BLTP1: variants seen among roughly 807,000 people sequenced by gnomAD.
BLTP1 encodes bridge-like lipid transfer protein family member 1, also known as fragile site-associated protein.
chr4:122,182,130 G>C, the BLTP1 span, among the ~76,000 whole-genome samples: 1 of 152,194 alleles, frequency 6.6e-6, no homozygotes, highest in South Asian at 2.1e-4. Flanking sequence ...TTCTATTCTA[G>C]ATTATGGACA....
At chr4:122,223,394 A>T in the BLTP1 span, among the ~76,000 whole-genome samples, 1 of 152,202 alleles carries the variant, frequency 6.6e-6, no homozygotes, top group South Asian at 2.1e-4. Flanking sequence ...GTATACTGGT[A>T]TGTTGAAGGC....
the BLTP1 span, among the ~76,000 whole-genome samples, chr4:122,178,909 C>T: frequency 1.3e-5 from 2 of 152,014 alleles, no homozygotes; most frequent in Admixed American, 6.6e-5. Context: ...GAACAAAATG[C>T]GTAAATCACT....
the BLTP1 span, chr4:122,209,893 A>G: frequency 2.5e-6 from 4 of 1,613,580 alleles, no homozygotes; most frequent in Admixed American, 6.7e-5. Context: ...CAATTTATCC[A>G]CAAAAAGCAG....
chr4:122,299,413 A>G, the BLTP1 span, among the ~76,000 whole-genome samples: 1 of 152,214 alleles, frequency 6.6e-6, no homozygotes, highest in Admixed American at 6.5e-5. Flanking sequence ...AGCTCAAGGA[A>G]CAGGGATGTG....
chr4:122,276,332 AT>A, the BLTP1 span: 3 of 540,902 alleles, frequency 5.5e-6, no homozygotes, highest in Non-Finnish European at 7.2e-6. Flanking sequence ...AATTTTTGAT[AT>A]GATAATGGAA....
chr4:122,353,236 T>C, the BLTP1 span: 2 of 1,543,252 alleles, frequency 1.3e-6, no homozygotes, highest in Non-Finnish European at 1.7e-6. The surrounding 1 kb of genome is among the most constrained non-coding windows in gnomAD (Gnocchi z 4.3). Flanking sequence ...CTGAAGTCCA[T>C]CTCTGTTTGT....
At chr4:122,264,741 A>G in the BLTP1 span, among the ~76,000 whole-genome samples, 1 of 152,230 alleles carries the variant, frequency 6.6e-6, no homozygotes, top group Non-Finnish European at 1.5e-5. Context: ...TTAAGACTTT[A>G]TTGAGCGAGC....
At chr4:122,254,858 C>G in the BLTP1 span, 1 of 1,613,444 alleles carries the variant, frequency 6.2e-7, no homozygotes, top group Non-Finnish European at 8.5e-7. Context: ...TGGCTTGTTC[C>G]CATTGACCAA....
chr4:122,344,517 G>A, the BLTP1 span: 1 of 1,613,532 alleles, frequency 6.2e-7, no homozygotes, highest in Non-Finnish European at 8.5e-7. Context: ...CAGTCTGTAA[G>A]CAAGTCTGCA....
the BLTP1 span, chr4:122,305,746 A>T: frequency 7.4e-7 from 1 of 1,355,202 alleles, no homozygotes; most frequent in African/African-American, 1.5e-5. Context: ...TATAAGGAAT[A>T]TACATTAACA....
chr4:122,265,698 G>GTTGT, the BLTP1 span, among the ~76,000 whole-genome samples: 6,003 of 151,994 alleles, frequency 0.039, 156 homozygotes, highest in East Asian at 0.14. Context: ...TTTTTTTGTT[G>GTTGT]TTGTTTGTTT....
At chr4:122,218,496 A>G in the BLTP1 span, among the ~76,000 whole-genome samples, 2 of 152,314 alleles carry the variant, frequency 1.3e-5, no homozygotes, top group East Asian at 1.9e-4. Context: ...ATTATTTCCT[A>G]TGAAAAGATA....
At chr4:122,190,918 G>C in the BLTP1 span, among the ~76,000 whole-genome samples, 1 of 152,160 alleles carries the variant, frequency 6.6e-6, no homozygotes, top group African/African-American at 2.4e-5. Context: ...GATGTTATTT[G>C]CCTTTTCACC....
At chr4:122,269,954 T>C in the BLTP1 span, among the ~76,000 whole-genome samples, 2 of 152,130 alleles carry the variant, frequency 1.3e-5, no homozygotes, top group African/African-American at 4.8e-5. Flanking sequence ...TTCTCCTTTA[T>C]TTGAATCTCC....
the BLTP1 span, chr4:122,325,242 A>C: frequency 6.2e-7 from 1 of 1,605,366 alleles, no homozygotes; most frequent in East Asian, 2.2e-5. Flanking sequence ...CTCGAGTAGG[A>C]GAAACTGAAG....
At chr4:122,205,899 T>G in the BLTP1 span, 1 of 978,142 alleles carries the variant, frequency 1.0e-6, no homozygotes, top group African/African-American at 1.8e-5. Flanking sequence ...AGGAGCCCTT[T>G]TATTGAAAGA....
chr4:122,315,494 G>A, the BLTP1 span: 12 of 1,614,044 alleles, frequency 7.4e-6, 1 homozygote, highest in East Asian at 6.7e-5. Flanking sequence ...GACACTCAAC[G>A]TATTGTGGAA....
the BLTP1 span, chr4:122,337,228 C>G: frequency 3.4e-3 from 1,839 of 538,194 alleles, 32 homozygotes; most frequent in African/African-American, 0.033. Flanking sequence ...AGTTATGATG[C>G]TGTTCTGATT....
chr4:122,339,464 C>T, the BLTP1 span: 2 of 1,245,982 alleles, frequency 1.6e-6, no homozygotes, highest in South Asian at 3.6e-5. Flanking sequence ...ATTTTTAAAT[C>T]AATATTTTAA....
Sources: gnomAD v4.1 joint callset for allele counts (sites outside exome capture counted in the v4.1 genomes callset) on GRCh38, gnomAD v4.1.1 for gene constraint, Gnocchi (gnomAD v3.1) non-coding constraint, MANE v1.5 for transcripts, NCBI Gene and HGNC (gene_info 2026-07-23, HGNC 2026-07-21) for gene names.